The following ARHGEF26 variants were observed in gnomAD, a reference collection of about 807,000 sequenced individuals.
ARHGEF26 encodes Rho guanine nucleotide exchange factor 26.
ARHGEF26 carries 59 observed loss-of-function variants against 89.4 expected under a neutral mutation model. That is an observed-to-expected ratio of 0.66 (90% confidence interval 0.54 to 0.82). The LOEUF is 0.82. ARHGEF26 is among the 40% of genes least tolerant of loss of function. The pLI is 0.00. For missense variants in ARHGEF26, 1,234 were observed against 1,085.6 expected, an observed-to-expected ratio of 1.14 and a Z score of -1.92; for synonymous variants, 500 against 428.4, an observed-to-expected ratio of 1.17 and a Z score of -2.06.
chr3:154,155,734 T>G (rs1720301207), intron 6 of ARHGEF26, among the ~76,000 whole-genome samples: 1 of 109,734 alleles, frequency 9.1e-6, no homozygotes, highest in Admixed American at 9.4e-5. Flanking sequence ...GTGAACAAAG[T>G]CTTAGGAGAA....
rs142436193 is a variant in ARHGEF26, at chr3:154,228,389, G to A, written c.2090+2379G>A. ...TGACCTCAGGTGATCTGCCTGTCTC[G>A]GCCTCCCAAAGTGCTGGAATTAGAG... is the stretch of plus-strand genomic sequence containing the variant. On this transcript the variant is annotated intron_variant, in intron 11 of 14. Coordinates refer to ENST00000465093, the MANE Select transcript of ARHGEF26 (RefSeq NM_015595.4). 1.7e-4 allele frequency among the ~76,000 whole-genome samples: 26 copies of A among 151,466 alleles called. No homozygotes were observed. In the East Asian group the frequency reaches 3.3e-3, roughly 19 times the overall value.
At chr3:154,210,356 C>T (rs1037928405) in intron 9 of ARHGEF26, among the ~76,000 whole-genome samples, 1 of 152,102 alleles carries the variant, frequency 6.6e-6, no homozygotes, top group Non-Finnish European at 1.5e-5. Context: ...CTTCAGTTAG[C>T]AGGTATTGAA....
At chr3:154,135,445 T>C (rs1360608875) in intron 4 of ARHGEF26, among the ~76,000 whole-genome samples, 1 of 152,148 alleles carries the variant, frequency 6.6e-6, no homozygotes, top group Non-Finnish European at 1.5e-5. Context: ...TGAAATAATG[T>C]TAATGGTCGT....
intron 7 of ARHGEF26, among the ~76,000 whole-genome samples, chr3:154,189,018 T>G (rs1713772845): frequency 6.6e-6 from 1 of 152,116 alleles, no homozygotes. Context: ...CCCCAGACAT[T>G]GCAGAAGGTC....
chr3:154,137,835 G>T (rs918545326), intron 4 of ARHGEF26, among the ~76,000 whole-genome samples: 6 of 148,530 alleles, frequency 4.0e-5, no homozygotes, highest in Admixed American at 4.0e-4. Context: ...AAAAGAAGAA[G>T]AGAAGAAGAA....
intron 9 of ARHGEF26, among the ~76,000 whole-genome samples, chr3:154,216,496 TTTTTTA>T (rs1715744755): frequency 3.2e-5 from 1 of 31,146 alleles, no homozygotes; most frequent in African/African-American, 1.6e-4. Flanking sequence ...TTTTTTATTT[TTTTTTA>T]TTTTTTATTT....
intron 4 of ARHGEF26, among the ~76,000 whole-genome samples, chr3:154,137,565 G>A (rs1021263934): frequency 2.0e-5 from 3 of 152,180 alleles, no homozygotes; most frequent in Admixed American, 6.5e-5. Context: ...GCTTGGGCCA[G>A]GGACTGGGCT....
intron 6 of ARHGEF26, among the ~76,000 whole-genome samples, chr3:154,162,864 A>G (rs929444410): frequency 6.6e-6 from 1 of 152,144 alleles, no homozygotes; most frequent in Admixed American, 6.5e-5. Flanking sequence ...TGAAATATAA[A>G]TTTGTATTAT....
At chr3:154,187,288 A>C in intron 6 of ARHGEF26, 1 of 865,170 alleles carries the variant, frequency 1.2e-6, no homozygotes, top group Non-Finnish European at 1.4e-6. Flanking sequence ...CCCATAAAGA[A>C]TTCTTGAAAA....
chr3:154,208,154 C>T (rs140298768), intron 9 of ARHGEF26, among the ~76,000 whole-genome samples: 1 of 152,204 alleles, frequency 6.6e-6, no homozygotes, highest in East Asian at 1.9e-4. Flanking sequence ...CTGGGCAATA[C>T]TTGGGTGATG....
chr3:154,145,835 G>T (rs1054823178), intron 4 of ARHGEF26, among the ~76,000 whole-genome samples: 1 of 152,162 alleles, frequency 6.6e-6, no homozygotes, highest in Non-Finnish European at 1.5e-5. Context: ...GGATCTATTT[G>T]GGGCTTAGAG....
intron 4 of ARHGEF26, among the ~76,000 whole-genome samples, chr3:154,137,194 A>G (rs1005765872): frequency 3.2e-4 from 48 of 152,324 alleles, no homozygotes; most frequent in African/African-American, 1.2e-3. Context: ...GAATAGATTA[A>G]CAGCCGCAGA....
Position 154,256,957 on chromosome 3 carries a change from G to C in ARHGEF26, c.*1484G>C. On this transcript the variant is annotated 3_prime_UTR_variant, in exon 15 of 15. Coordinates refer to ENST00000465093, the MANE Select transcript of ARHGEF26 (RefSeq NM_015595.4). Reference sequence around the variant, plus strand: ...AGGGGGGAAATGATTTTTACTGGCAGCTATATTCCCTCTCTGTTCTATTTG... The same window carrying C: ...AGGGGGGAAATGATTTTTACTGGCACCTATATTCCCTCTCTGTTCTATTTG... The C allele has an allele frequency of 6.5e-7, 1 of 1,532,646 alleles. No individual in the cohort carries two copies. Among genetic ancestry groups the C allele is most frequent in the Non-Finnish European group, 8.7e-7 (1 of 1,145,666 alleles). 94.9% of individuals were successfully genotyped at this position (1,532,646 alleles called of 1,614,324 possible).
At chr3:154,126,269 G>A (rs1015972145) in intron 3 of ARHGEF26, among the ~76,000 whole-genome samples, 4 of 152,048 alleles carry the variant, frequency 2.6e-5, no homozygotes, top group African/African-American at 9.7e-5. Flanking sequence ...TGCTTGTTTT[G>A]GTAGATGGGA....
intron 9 of ARHGEF26, among the ~76,000 whole-genome samples, chr3:154,210,865 C>T (rs894061043): frequency 2.0e-5 from 3 of 151,426 alleles, no homozygotes; most frequent in African/African-American, 7.3e-5. Flanking sequence ...ATTACTTGAA[C>T]CCGGGAGGTG....
intron 10 of ARHGEF26, among the ~76,000 whole-genome samples, chr3:154,220,384 A>T (rs1323112460): frequency 6.6e-6 from 1 of 152,180 alleles, no homozygotes; most frequent in African/African-American, 2.4e-5. Flanking sequence ...AATACTGGAA[A>T]TGGAAGGGAG....
intron 6 of ARHGEF26, among the ~76,000 whole-genome samples, chr3:154,157,421 G>A (rs1711498268): frequency 6.6e-6 from 1 of 152,136 alleles, no homozygotes; most frequent in Non-Finnish European, 1.5e-5. Flanking sequence ...GAGAGCAGAT[G>A]TTCGTGAAGG....
chr3:154,122,827 C>T lies in ARHGEF26; in HGVS notation c.835C>T (p.Arg279Cys). Residue 279 changes from arginine to cysteine, a missense_variant, in exon 2 of 15, where the codon CGC (arginine) becomes TGC (cysteine). Arg to Cys is a radical substitution (Grantham distance 180). Transcript: ENST00000465093. The stretch of plus-strand genomic sequence containing the variant: ...GCCCCACAAGAGACTCCTCAAGGTG[C>T]GCAGCATGGTGGAGGGCCTAGGAGG... ...VEPHKRLLKV[R>C]SMVEGLGGPL... 6.2e-7 allele frequency: 1 copy of T among 1,612,678 alleles called. No individual in the cohort carries two copies. The highest frequency in any genetic ancestry group is 1.7e-5 in the Admixed American group (1 of 59,804).
At chr3:154,217,690 C>T (rs1477951696) in intron 9 of ARHGEF26, among the ~76,000 whole-genome samples, 179 bp from the exon 10 acceptor site, 1 of 152,156 alleles carries the variant, frequency 6.6e-6, no homozygotes, top group East Asian at 1.9e-4. Context: ...TCTTCACATC[C>T]TAATCACACC....
Sources: gnomAD v4.1 joint callset for allele counts (sites outside exome capture counted in the v4.1 genomes callset) on GRCh38, gnomAD v4.1.1 for gene constraint, MANE v1.5 for transcripts, NCBI Gene and HGNC (gene_info 2026-07-23, HGNC 2026-07-21) for gene names.